Variants in PARP8 observed in about 807,000 individuals in gnomAD.
PARP8 encodes the protein poly(ADP-ribose) polymerase family member 8.
In PARP8, 51 loss-of-function variants were observed where a neutral mutation model predicts 124.1. The observed-to-expected ratio is 0.41, with a 90% CI of 0.33 to 0.52. The LOEUF (loss-of-function observed/expected upper bound fraction) is 0.52. Among genes scored for constraint, PARP8 ranks in the 20% least tolerant of loss-of-function variants. PARP8 has a pLI of 0.21. For missense variants in PARP8, 860 were observed against 1,018.9 expected (o/e 0.84, Z 2.12); for synonymous variants, 391 against 361.5 (o/e 1.08, Z -0.93).
intron 9 of PARP8, among the ~76,000 whole-genome samples, chr5:50,786,282 G>A (rs1741237862): frequency 6.6e-6 from 1 of 151,850 alleles, no homozygotes; most frequent in African/African-American, 2.4e-5. Flanking sequence ...CTTGCCAAAT[G>A]ACTCATAACC....
chr5:50,778,768 G>C, intron 9 of PARP8, 118 bp downstream of exon 9: 1 of 502,870 alleles, frequency 2.0e-6, no homozygotes, highest in East Asian at 3.4e-5. Context: ...CTTGATAATG[G>C]TATTTAAAGA....
chr5:50,673,958 T>C (rs1489374377), intron 2 of PARP8, among the ~76,000 whole-genome samples: 1 of 152,246 alleles, frequency 6.6e-6, no homozygotes, highest in Admixed American at 6.5e-5. Context: ...TATATCTTGC[T>C]TTAAGATAGC....
Position 50,842,262 on chromosome 5 carries a change from G to T in PARP8, c.*194G>T, listed in dbSNP as rs964561494. 2.5e-6 allele frequency: 1 copy of T among 407,076 alleles called. No individual in the cohort carries two copies. The highest frequency in any genetic ancestry group is 4.4e-6 in the Non-Finnish European group (1 of 229,230). The allele number at this position is 407,076 out of a possible 1,614,324, so 25.2% of individuals were successfully genotyped here. A position where few individuals can be genotyped will look rare whatever the true frequency, so the allele number is the denominator to read the frequency against. ...TGGTATAAGATTTATCAATTGTAGGGTTATGGAATCTAGTAATAAAATTTC... is the reference window on the plus strand; with the variant it reads ...TGGTATAAGATTTATCAATTGTAGGTTTATGGAATCTAGTAATAAAATTTC... On this transcript the variant is annotated 3_prime_UTR_variant, in exon 26 of 26. Transcript: ENST00000281631.
chr5:50,800,793 G>C (rs1485174250), intron 14 of PARP8, among the ~76,000 whole-genome samples: 1 of 142,086 alleles, frequency 7.0e-6, no homozygotes, highest in Admixed American at 7.4e-5. Context: ...GTCTTACTCT[G>C]TCACTCATGT....
intron 9 of PARP8, among the ~76,000 whole-genome samples, chr5:50,786,213 G>C (rs1182173008): frequency 6.6e-6 from 1 of 151,830 alleles, no homozygotes; most frequent in African/African-American, 2.4e-5. Context: ...ACTCAAGTCA[G>C]GTTTTGGTCC....
intron 2 of PARP8, among the ~76,000 whole-genome samples, chr5:50,712,764 G>A (rs1363902195): frequency 6.6e-6 from 1 of 151,964 alleles, no homozygotes; most frequent in African/African-American, 2.4e-5. Flanking sequence ...AAACAAATAT[G>A]GATCTGGTGG....
chr5:50,678,601 C>T (rs1236081852), intron 2 of PARP8, among the ~76,000 whole-genome samples: 1 of 151,988 alleles, frequency 6.6e-6, no homozygotes, highest in Non-Finnish European at 1.5e-5. Flanking sequence ...TCTATGTTTG[C>T]GATAAATCAC....
At chr5:50,749,345 G>A (rs772391515) in intron 2 of PARP8, among the ~76,000 whole-genome samples, 1 of 152,076 alleles carries the variant, frequency 6.6e-6, no homozygotes, top group Non-Finnish European at 1.5e-5. Flanking sequence ...GATAGCTAAT[G>A]TTAAACATGT....
intron 1 of PARP8, chr5:50,667,630 C>CCG (rs1449658224): frequency 1.4e-6 from 1 of 698,946 alleles, no homozygotes; most frequent in African/African-American, 1.8e-5. Flanking sequence ...CGAGGACCCC[C>CCG]GGGGGGCAGC....
chr5:50,726,523 A>G (rs1053218586), intron 2 of PARP8, among the ~76,000 whole-genome samples: 2 of 152,212 alleles, frequency 1.3e-5, no homozygotes, highest in African/African-American at 4.8e-5. Flanking sequence ...AGCATATTGT[A>G]TATTGCCAAT....
At chr5:50,718,549 A>G (rs1366160554) in intron 2 of PARP8, among the ~76,000 whole-genome samples, 1 of 151,932 alleles carries the variant, frequency 6.6e-6, no homozygotes, top group Non-Finnish European at 1.5e-5. Flanking sequence ...CAGCTCCGAC[A>G]TATGAGTGAG....
intron 2 of PARP8, among the ~76,000 whole-genome samples, chr5:50,677,579 A>G (rs1438650607): frequency 6.6e-6 from 1 of 152,206 alleles, no homozygotes; most frequent in Non-Finnish European, 1.5e-5. Context: ...TGGCTCAGAA[A>G]TGATGAGACT....
intron 2 of PARP8, among the ~76,000 whole-genome samples, chr5:50,743,654 C>T (rs1278539137): frequency 6.6e-6 from 1 of 151,972 alleles, no homozygotes; most frequent in African/African-American, 2.4e-5. Context: ...TAACCAGGCA[C>T]GATGGCTCAA....
chr5:50,827,172 A>G (rs546508426), intron 19 of PARP8, among the ~76,000 whole-genome samples: 4 of 152,266 alleles, frequency 2.6e-5, no homozygotes, highest in Non-Finnish European at 4.4e-5. Flanking sequence ...CTGAGAAGCT[A>G]TTGACCTCAG....
intron 25 of PARP8, among the ~76,000 whole-genome samples, chr5:50,839,227 T>G (rs1057036653): frequency 1.2e-4 from 18 of 152,094 alleles, no homozygotes; most frequent in African/African-American, 4.3e-4. Context: ...GTAATCTTTT[T>G]ACACTCCTGG....
intron 2 of PARP8, among the ~76,000 whole-genome samples, chr5:50,740,141 T>C (rs2149532622): frequency 6.6e-6 from 1 of 152,236 alleles, no homozygotes; most frequent in East Asian, 1.9e-4. Flanking sequence ...GGAAATACAA[T>C]GGGAAGAAAA....
chr5:50,784,763 G>T (rs1741058766), intron 9 of PARP8, among the ~76,000 whole-genome samples: 1 of 151,932 alleles, frequency 6.6e-6, no homozygotes, highest in Admixed American at 6.5e-5. Context: ...GGGGATTTTT[G>T]TTGTTGTTGT....
chr5:50,812,410 C>T (rs1434114120), intron 14 of PARP8, among the ~76,000 whole-genome samples: 24 of 152,186 alleles, frequency 1.6e-4, no homozygotes, highest in East Asian at 5.8e-4. Flanking sequence ...AGTGTCTGTT[C>T]GTATCCTTCG....
intron 2 of PARP8, among the ~76,000 whole-genome samples, chr5:50,717,349 G>A (rs1755423997): frequency 6.6e-6 from 1 of 151,926 alleles, no homozygotes; most frequent in Non-Finnish European, 1.5e-5. Flanking sequence ...GGGGGCAAAG[G>A]AAAGAAAGGA....
Sources: allele counts gnomAD v4.1 joint callset (sites outside exome capture counted in the v4.1 genomes callset), GRCh38; gene constraint gnomAD v4.1.1; transcripts MANE v1.5; gene names NCBI Gene and HGNC (gene_info 2026-07-23, HGNC 2026-07-21).